Variants in SEC24A observed in about 807,000 individuals in gnomAD.
SEC24A encodes the protein protein transport protein Sec24A.
In SEC24A, 93 loss-of-function variants were observed where a neutral mutation model predicts 129.4. The ratio of observed to expected loss-of-function variants is 0.72; its 90% CI spans 0.61 to 0.85. The LOEUF (loss-of-function observed/expected upper bound fraction) is 0.85, where lower values mean the gene tolerates loss of function less well. SEC24A is among the 40% of genes least tolerant of loss of function. SEC24A has a pLI of 0.00. For synonymous variants in SEC24A, 460 were observed against 467.3 expected (o/e 0.98, Z 0.20); for missense variants, 1,264 against 1,307.4 (o/e 0.97, Z 0.51).
chr5:134,678,062 C>T (rs560199310), intron 7 of SEC24A, among the ~76,000 whole-genome samples: 39 of 152,170 alleles, frequency 2.6e-4, no homozygotes, highest in Non-Finnish European at 4.6e-4. Flanking sequence ...CTCGTTGTCA[C>T]CCAGGTTAGA....
rs1406172553 is a variant in SEC24A, at chr5:134,708,794, A to G, written c.2633A>G (p.Tyr878Cys). ...GCAGTCATTGACTCCCTTTCAGCTT[A>G]CCGTTCTTCAGTCTTAAGTAACCAG... ...VNAVIDSLSA[Y>C]RSSVLSNQQP... Residue 878 changes from tyrosine (Y) to cysteine (C), a missense_variant, in exon 18 of 23, where the codon TAC becomes TGC. Transcript: ENST00000398844. The G allele has an allele frequency of 1.2e-6, 2 of 1,614,040 alleles. No homozygotes were observed. Among genetic ancestry groups the G allele is most frequent in the African/African-American group, 2.7e-5 (2 of 74,910 alleles).
intron 20 of SEC24A, among the ~76,000 whole-genome samples, chr5:134,718,831 G>A (rs777057516): frequency 6.6e-6 from 1 of 151,810 alleles, no homozygotes; most frequent in Non-Finnish European, 1.5e-5. Flanking sequence ...TTAACCGAGC[G>A]TGGTGGGGCA....
rs897242607 is a variant in SEC24A at position 134,668,734 on chromosome 5, C to A, written c.739+1738C>A. Among the ~76,000 whole-genome samples, 9 of 146,080 alleles carry A rather than the reference C, an allele frequency of 6.2e-5. No individual in the cohort carries two copies. In the East Asian group the frequency reaches 1.2e-3, roughly 20 times the overall value. ...AGAGCAAAACTCCATCACACACACA[C>A]AAAAAAAACCAATTAGCCAGGAGTG... On this transcript the variant is annotated intron_variant, in intron 3 of 22. Transcript: ENST00000398844.
At chr5:134,658,229 C>T (rs968744454) in intron 1 of SEC24A, among the ~76,000 whole-genome samples, 1 of 152,154 alleles carries the variant, frequency 6.6e-6, no homozygotes, top group Non-Finnish European at 1.5e-5. Context: ...CGAGATCGCA[C>T]CACTGCACTT....
At chr5:134,655,723 A>G (rs1750221882) in intron 1 of SEC24A, among the ~76,000 whole-genome samples, 2 of 152,170 alleles carry the variant, frequency 1.3e-5, no homozygotes, top group South Asian at 4.1e-4. Flanking sequence ...ATTAAATAGA[A>G]AAATATTTTT....
intron 5 of SEC24A, 132 bp downstream of exon 5, chr5:134,674,907 C>A (rs906178647): frequency 3.6e-6 from 4 of 1,104,662 alleles, no homozygotes; most frequent in African/African-American, 3.2e-5. Context: ...TTTCATAAAG[C>A]CTTTGTCTTT....
At chr5:134,692,116 G>GT (rs1751677865) in intron 11 of SEC24A, among the ~76,000 whole-genome samples, 1 of 144,222 alleles carries the variant, frequency 6.9e-6, no homozygotes, top group South Asian at 2.1e-4. Flanking sequence ...TGGGAGTGCA[G>GT]TGGTGCAATC....
intron 4 of SEC24A, among the ~76,000 whole-genome samples, chr5:134,673,907 G>A (rs1750962702): frequency 6.6e-6 from 1 of 152,130 alleles, no homozygotes; most frequent in Admixed American, 6.6e-5. Context: ...GCCAAGGCAG[G>A]CAGATCACCT....
intron 5 of SEC24A, 102 bp downstream of exon 5, chr5:134,674,877 A>C: frequency 8.6e-7 from 1 of 1,168,024 alleles, no homozygotes; most frequent in Non-Finnish European, 1.2e-6. Context: ...TTTTATAACC[A>C]TTTAGAATAA....
At chr5:134,661,932 C>T (rs1028332817) in intron 2 of SEC24A, among the ~76,000 whole-genome samples, 4 of 149,476 alleles carry the variant, frequency 2.7e-5, no homozygotes, top group East Asian at 2.0e-4. Flanking sequence ...AGCAATTTTC[C>T]TGCCTCAGCC....
intron 8 of SEC24A, among the ~76,000 whole-genome samples, chr5:134,680,769 C>T (rs545954508): frequency 3.3e-5 from 5 of 152,134 alleles, no homozygotes; most frequent in East Asian, 1.9e-4. Flanking sequence ...CTCAGCCTCC[C>T]GAGAACACAC....
At chr5:134,669,690 G>A (rs185289606) in intron 3 of SEC24A, among the ~76,000 whole-genome samples, 1 of 150,640 alleles carries the variant, frequency 6.6e-6, no homozygotes, top group Non-Finnish European at 1.5e-5. Flanking sequence ...TGTTAGCCAG[G>A]ATGGTCTCGA....
chr5:134,667,245 T>A (rs921391844), intron 3 of SEC24A, among the ~76,000 whole-genome samples: 4 of 152,128 alleles, frequency 2.6e-5, no homozygotes, highest in Admixed American at 6.6e-5. Context: ...GCGGATTTTT[T>A]AAAAATCATG....
intron 1 of SEC24A, among the ~76,000 whole-genome samples, chr5:134,660,119 A>G (rs1750398248): frequency 6.6e-6 from 1 of 151,402 alleles, no homozygotes; most frequent in African/African-American, 2.4e-5. Context: ...CCTAGCGCTT[A>G]TAGAGGCTGA....
At chr5:134,713,081 A>G (rs1356556027) in intron 18 of SEC24A, among the ~76,000 whole-genome samples, 1 of 146,280 alleles carries the variant, frequency 6.8e-6, no homozygotes, top group South Asian at 2.2e-4. Flanking sequence ...ACAGGCGCCC[A>G]CCACAATGCC....
intron 8 of SEC24A, among the ~76,000 whole-genome samples, chr5:134,681,098 C>T (rs1751252679): frequency 6.8e-6 from 1 of 147,576 alleles, no homozygotes; most frequent in South Asian, 2.2e-4. Flanking sequence ...GACTCTGTCT[C>T]AAAAACAAAC....
Position 134,693,830 on chromosome 5 carries a change from C to T in SEC24A, c.1883C>T (p.Ser628Phe). 1.2e-6 allele frequency: 2 copies of T among 1,614,136 alleles called. No individual in the cohort carries two copies. The highest frequency in any genetic ancestry group is 1.7e-6 in the Non-Finnish European group (2 of 1,180,036). Reference sequence around the variant, plus strand: ...CTGCAGGCTGCCTTTAAGCTGATGTCTCCAACTGGTGGTCGAATGTCTGTC... The same window carrying T: ...CTGCAGGCTGCCTTTAAGCTGATGTTTCCAACTGGTGGTCGAATGTCTGTC... ...PALQAAFKLM[S>F]PTGGRMSVFQ... is the part of the protein sequence containing the mutation. The change falls in exon 13 of 23, where the codon TCT becomes TTT. Residue 628 changes from serine (S) to phenylalanine (F), a missense_variant. By Grantham distance (155) the Ser-to-Phe change is radical. Coordinates refer to ENST00000398844, the MANE Select transcript of SEC24A (RefSeq NM_021982.3).
intron 20 of SEC24A, among the ~76,000 whole-genome samples, chr5:134,718,723 G>T (rs1752547554): frequency 6.6e-6 from 1 of 152,132 alleles, no homozygotes; most frequent in African/African-American, 2.4e-5. Flanking sequence ...TATAATCCCA[G>T]CACTTTGGGA....
At chr5:134,691,806 T>C (rs1561820021) in intron 11 of SEC24A, among the ~76,000 whole-genome samples, 1 of 152,110 alleles carries the variant, frequency 6.6e-6, no homozygotes, top group Admixed American at 6.6e-5. Context: ...TGAGAAAGCA[T>C]CTGCTTTGTG....
Sources: allele counts gnomAD v4.1 joint callset (sites outside exome capture counted in the v4.1 genomes callset), GRCh38; gene constraint gnomAD v4.1.1; transcripts MANE v1.5; gene names NCBI Gene and HGNC (gene_info 2026-07-23, HGNC 2026-07-21).